Variants in RTN1 observed in about 807,000 individuals in gnomAD.
RTN1 encodes reticulon-1.
RTN1 carries 25 observed loss-of-function variants against 65.5 expected under a neutral mutation model. The ratio of observed to expected loss-of-function variants is 0.38; its 90% CI spans 0.28 to 0.53. The LOEUF is 0.53. Among genes scored for constraint, RTN1 ranks in the 20% least tolerant of loss-of-function variants. The pLI is 0.79. For synonymous variants in RTN1, 471 were observed against 447.6 expected, an observed-to-expected ratio of 1.05 and a Z score of -0.66; for missense variants, 983 against 1,025.4, an observed-to-expected ratio of 0.96 and a Z score of 0.57.
intron 3 of RTN1, among the ~76,000 whole-genome samples, chr14:59,702,506 C>T (rs913499515): frequency 1.3e-5 from 2 of 152,170 alleles, no homozygotes; most frequent in African/African-American, 2.4e-5. Flanking sequence ...GGCTTTTACC[C>T]ATCCATTCTC....
At chr14:59,696,175 A>C (rs182869656) in intron 3 of RTN1, among the ~76,000 whole-genome samples, 36 of 152,280 alleles carry the variant, frequency 2.4e-4, no homozygotes, top group African/African-American at 8.2e-4. Context: ...ACTTGCATTT[A>C]CCTGCCTGGC....
At chr14:59,675,150 G>C (rs1335912252) in intron 3 of RTN1, among the ~76,000 whole-genome samples, 2 of 152,104 alleles carry the variant, frequency 1.3e-5, no homozygotes, top group African/African-American at 4.8e-5. Flanking sequence ...GGTGCACAGA[G>C]GAGTGGTGGC....
At chr14:59,686,687 A>G (rs1357046158) in intron 3 of RTN1, among the ~76,000 whole-genome samples, 1 of 152,174 alleles carries the variant, frequency 6.6e-6, no homozygotes, top group Non-Finnish European at 1.5e-5. Context: ...AGGAGCAGAG[A>G]GCCTCCTCTG....
At chr14:59,782,450 A>G (rs1373604782) in intron 1 of RTN1, among the ~76,000 whole-genome samples, 1 of 152,182 alleles carries the variant, frequency 6.6e-6, no homozygotes, top group Non-Finnish European at 1.5e-5. Context: ...TTAAAGTTGA[A>G]AAGTTTAAAT....
chr14:59,762,095 C>G (rs1005847923), intron 1 of RTN1, among the ~76,000 whole-genome samples: 1 of 152,030 alleles, frequency 6.6e-6, no homozygotes, highest in African/African-American at 2.4e-5. Flanking sequence ...CAAGACGTGA[C>G]AGGGAGCATG....
Position 59,596,181 on chromosome 14 carries a change from T to G in RTN1, c.*564A>C, listed in dbSNP as rs1181020278. The G allele has an allele frequency of 6.5e-6, 1 of 152,684 alleles. No individual in the cohort carries two copies. The highest frequency in any genetic ancestry group is 1.5e-5 in the Non-Finnish European group (1 of 68,066). 9.5% of individuals were successfully genotyped at this position (152,684 alleles called of 1,614,324 possible). A position where few individuals can be genotyped will look rare whatever the true frequency, so the allele number is the denominator to read the frequency against. ...CAACAAAAGTACTGCATGTTTGTTT[T>G]GGATTTATTCATTTATTTAATTATT... is the stretch of plus-strand genomic sequence containing the variant. On this transcript the variant is annotated 3_prime_UTR_variant, in exon 9 of 9. Transcript: ENST00000267484.
At chr14:59,687,299 G>C (rs184999152) in intron 3 of RTN1, among the ~76,000 whole-genome samples, 20 of 152,166 alleles carry the variant, frequency 1.3e-4, no homozygotes, top group Admixed American at 1.2e-3. Flanking sequence ...CATGGATATA[G>C]ATCATGGTGC....
At chr14:59,674,439 T>C (rs1273219533) in intron 3 of RTN1, among the ~76,000 whole-genome samples, 3 of 152,222 alleles carry the variant, frequency 2.0e-5, no homozygotes, top group Non-Finnish European at 4.4e-5. Flanking sequence ...ATGCAGGTGA[T>C]ATTAGTTTCT....
intron 2 of RTN1, among the ~76,000 whole-genome samples, chr14:59,728,573 C>T (rs1884833094): frequency 6.6e-6 from 1 of 152,102 alleles, no homozygotes. Flanking sequence ...ACCATGACAA[C>T]AGTGTTCAAG....
intron 1 of RTN1, among the ~76,000 whole-genome samples, chr14:59,820,724 G>T (rs1334221485): frequency 6.6e-6 from 1 of 152,122 alleles, no homozygotes; most frequent in Non-Finnish European, 1.5e-5. Context: ...TGACATATGA[G>T]GATAATGGGA....
chr14:59,864,527 T>A (rs1030638664), intron 1 of RTN1, among the ~76,000 whole-genome samples: 5 of 151,448 alleles, frequency 3.3e-5, no homozygotes, highest in African/African-American at 1.2e-4. Flanking sequence ...TGCCCTTCCT[T>A]ACTCTCTCCC....
At chr14:59,750,256 A>AATATATTATATCTATAATATATT (rs1885449127) in intron 1 of RTN1, among the ~76,000 whole-genome samples, 1 of 26,446 alleles carries the variant, frequency 3.8e-5, no homozygotes, top group Non-Finnish European at 5.7e-5. Flanking sequence ...TATAATATAT[A>AATATATTATATCTATAATATATT]ATATATATAA....
At chr14:59,603,151 C>G in intron 7 of RTN1, 28 bp from the exon 8 acceptor site, 1 of 1,611,114 alleles carries the variant, frequency 6.2e-7, no homozygotes, top group East Asian at 2.2e-5. Context: ...AAATAATGAG[C>G]ATATCCAAAG....
At chr14:59,844,763 T>C (rs1453023787) in intron 1 of RTN1, among the ~76,000 whole-genome samples, 4 of 152,128 alleles carry the variant, frequency 2.6e-5, no homozygotes, top group African/African-American at 9.7e-5. Flanking sequence ...TAAAAATATT[T>C]TAAAAAAGAT....
intron 3 of RTN1, among the ~76,000 whole-genome samples, chr14:59,726,035 T>A (rs1884751577): frequency 6.6e-6 from 1 of 152,152 alleles, no homozygotes; most frequent in Non-Finnish European, 1.5e-5. Flanking sequence ...AGGAACAGGG[T>A]AGAAGTTCTC....
At chr14:59,619,792 G>C (rs779517868) in intron 3 of RTN1, among the ~76,000 whole-genome samples, 15 of 152,144 alleles carry the variant, frequency 9.9e-5, no homozygotes, top group Non-Finnish European at 1.9e-4. Flanking sequence ...TCAGAAGGAA[G>C]GGGTAAGCTA....
At position 59,596,812 on chromosome 14, in the gene RTN1, G is replaced by A. The variant is rs760161452; in HGVS notation, c.2289-25C>T. 3.7e-5 allele frequency: 59 copies of A among 1,591,344 alleles called. No homozygotes were observed. The Middle Eastern group carries it at 8.3e-4, about 22-fold the overall frequency. The stretch of plus-strand genomic sequence containing the variant: ...CCTAAAAAGACAGTATCAAAAGGTA[G>A]TAAATCACAAGTGTTATTAATGAAA... On this transcript the variant is annotated intron_variant, in intron 8 of 8. Transcript: ENST00000267484.
At chr14:59,666,473 C>T (rs937373240) in intron 3 of RTN1, among the ~76,000 whole-genome samples, 2 of 152,038 alleles carry the variant, frequency 1.3e-5, no homozygotes, top group African/African-American at 2.4e-5. Flanking sequence ...CCCTAAATGT[C>T]CACAAGAAAA....
chr14:59,749,648 T>TC lies in RTN1; in HGVS notation c.242-3168_242-3167insG, dbSNP rs1566712447. 7.8e-5 allele frequency among the ~76,000 whole-genome samples: 5 copies of TC among 64,084 alleles called. No individual in the cohort carries two copies. In the South Asian group the frequency reaches 1.8e-3, roughly 23 times the overall value. The allele number at this position is 64,084 out of a possible 152,430, so 42.0% of individuals were successfully genotyped here. ...ATCTATATATAGATATCTATATATA[T>TC]TTATATAGATATCTATATATATTTA... On this transcript the variant is annotated intron_variant, in intron 1 of 8. Coordinates refer to ENST00000267484, the MANE Select transcript of RTN1 (RefSeq NM_021136.3).
Sources: gnomAD v4.1 joint callset for allele counts (sites outside exome capture counted in the v4.1 genomes callset) on GRCh38, gnomAD v4.1.1 for gene constraint, MANE v1.5 for transcripts, NCBI Gene and HGNC (gene_info 2026-07-23, HGNC 2026-07-21) for gene names.